The following ADAMTSL1 variants were observed in gnomAD, a reference collection of about 807,000 sequenced individuals.
ADAMTSL1 encodes the protein ADAMTS-like protein 1.
A neutral mutation model predicts 201.8 loss-of-function variants in ADAMTSL1; 126 were observed. That is an observed-to-expected ratio of 0.62 (90% CI 0.54 to 0.72). The LOEUF is 0.72. ADAMTSL1 is among the 30% of genes least tolerant of loss of function. The pLI is 0.00. For missense variants in ADAMTSL1, 2,679 were observed against 2,277.8 expected, an observed-to-expected ratio of 1.18 and a Z score of -3.59; for synonymous variants, 1,121 against 903.4, an observed-to-expected ratio of 1.24 and a Z score of -4.32.
intron 2 of ADAMTSL1, among the ~76,000 whole-genome samples, chr9:18,202,658 T>C (rs1829498848): frequency 6.6e-6 from 1 of 152,212 alleles, no homozygotes; most frequent in Non-Finnish European, 1.5e-5. Flanking sequence ...CGTTGCACCC[T>C]GAACACACCT....
rs1411772228 is a variant in ADAMTSL1, at chr9:18,892,272, T to TAAATACTGTAAA, written c.4644-114_4644-113insTACTGTAAAAAA. ...CAATCATCTTTCCAAGTAAATACTG[T>TAAATACTGTAAA]AAAAAGGGCCTTGGCCCCAAATTAG... On this transcript the variant is annotated intron_variant, in intron 25 of 28. Transcript: ENST00000380548. 5.9e-5 allele frequency: 58 copies of TAAATACTGTAAA among 981,112 alleles called. No individual in the cohort carries two copies. In the African/African-American group the frequency reaches 8.1e-4, roughly 14 times the overall value. The allele number at this position is 981,112 out of a possible 1,614,324, so 60.8% of individuals were successfully genotyped here.
rs376577727 is a variant in ADAMTSL1, at chr9:18,745,907, G to A, written c.2007-7391G>A. Among the ~76,000 whole-genome samples, 341 of 152,168 alleles carry A rather than the reference G, an allele frequency of 2.2e-3. 2 individuals carry two copies. Among genetic ancestry groups the A allele is most frequent in the Middle Eastern group, 0.01 (3 of 294 alleles). On this transcript the variant is annotated intron_variant, in intron 15 of 28. Transcript: ENST00000380548. ...TGACTCCCAGCCATCCTGGCCCAGCGCTGACCCCTGTCCCAGGCCAGAGGA... is the reference window on the plus strand; with the variant it reads ...TGACTCCCAGCCATCCTGGCCCAGCACTGACCCCTGTCCCAGGCCAGAGGA...
intron 2 of ADAMTSL1, among the ~76,000 whole-genome samples, chr9:18,242,911 C>T (rs942649665): frequency 6.6e-6 from 1 of 152,012 alleles, no homozygotes; most frequent in African/African-American, 2.4e-5. Context: ...GTTAAAACAC[C>T]CATACTACCC....
chr9:18,786,842 A>T (rs1821738563), intron 19 of ADAMTSL1, among the ~76,000 whole-genome samples: 1 of 152,206 alleles, frequency 6.6e-6, no homozygotes, highest in African/African-American at 2.4e-5. Flanking sequence ...AGGAAAGTGA[A>T]ATCTGTAGCC....
chr9:18,606,769 C>G (rs186957905), intron 4 of ADAMTSL1, among the ~76,000 whole-genome samples: 5 of 152,162 alleles, frequency 3.3e-5, no homozygotes. Context: ...TCCTTCCCCC[C>G]CAGTTTTCTT....
At position 18,889,728 on chromosome 9, in the gene ADAMTSL1, C is replaced by T; in HGVS notation, c.4623C>T (p.Asn1541=). 6.6e-7 allele frequency: 1 copy of T among 1,516,494 alleles called. No individual in the cohort carries two copies. The highest frequency in any genetic ancestry group is 8.8e-7 in the Non-Finnish European group (1 of 1,130,968). The allele number at this position is 1,516,494 out of a possible 1,614,324, so 93.9% of individuals were successfully genotyped here. A position where few individuals can be genotyped will look rare whatever the true frequency, so the allele number is the denominator to read the frequency against. ...CTGCGGTGCAGCCCATCGCGTGCAA[C>T]CGGAGAGACTGCCCTTCTCGGTGAG... ...VRPAVQPIAC[N]RRDCPSRWMV... is the part of the protein sequence containing the mutation. Residue 1541 remains asparagine (N), a synonymous_variant, in exon 25 of 29, where the codon AAC becomes AAT. Coordinates refer to ENST00000380548, the MANE Select transcript of ADAMTSL1 (RefSeq NM_001040272.6).
chr9:18,238,596 T>A (rs1830939195), intron 2 of ADAMTSL1, among the ~76,000 whole-genome samples: 1 of 152,202 alleles, frequency 6.6e-6, no homozygotes. Context: ...GTTTGACATG[T>A]AATAGGCACC....
At chr9:18,335,202 A>G (rs1321296412) in intron 2 of ADAMTSL1, among the ~76,000 whole-genome samples, 3 of 152,106 alleles carry the variant, frequency 2.0e-5, no homozygotes, top group Non-Finnish European at 4.4e-5. Flanking sequence ...ATATTTACAT[A>G]TTTGTTTTTT....
intron 1 of ADAMTSL1, among the ~76,000 whole-genome samples, chr9:18,480,790 G>A (rs1821686467): frequency 6.6e-6 from 1 of 152,200 alleles, no homozygotes; most frequent in South Asian, 2.1e-4. Flanking sequence ...TACCTGAAGT[G>A]TGATAAGTAG....
intron 1 of ADAMTSL1, among the ~76,000 whole-genome samples, chr9:18,035,034 G>T (rs1481269615): frequency 2.0e-5 from 3 of 151,950 alleles, no homozygotes; most frequent in African/African-American, 7.2e-5. Flanking sequence ...ACTGTCTCTT[G>T]GTTCACCTCA....
chr9:18,178,232 G>A (rs540239907), intron 2 of ADAMTSL1, among the ~76,000 whole-genome samples: 2,363 of 152,320 alleles, frequency 0.016, 34 homozygotes, highest in Middle Eastern at 0.027. Context: ...AGGGGTCAGG[G>A]AGTTCCCTTT....
chr9:18,798,705 C>CAG (rs1265993444), intron 20 of ADAMTSL1, among the ~76,000 whole-genome samples: 2 of 152,192 alleles, frequency 1.3e-5, no homozygotes, highest in Non-Finnish European at 2.9e-5. Flanking sequence ...ACGTGGGCAA[C>CAG]AGAGAGAGAC....
At chr9:18,634,012 A>G (rs755073196) in intron 5 of ADAMTSL1, among the ~76,000 whole-genome samples, 2 of 152,158 alleles carry the variant, frequency 1.3e-5, no homozygotes, top group East Asian at 1.9e-4. Context: ...ATACATCCCT[A>G]TATCTAGATT....
chr9:18,141,535 C>T (rs1205402654), intron 1 of ADAMTSL1, among the ~76,000 whole-genome samples: 2 of 152,176 alleles, frequency 1.3e-5, no homozygotes, highest in East Asian at 3.9e-4. Flanking sequence ...TTCAAGTAAC[C>T]AGCTAGAGGC....
chr9:18,801,256 C>T (rs1822781249), intron 20 of ADAMTSL1, among the ~76,000 whole-genome samples: 1 of 152,112 alleles, frequency 6.6e-6, no homozygotes, highest in South Asian at 2.1e-4. Flanking sequence ...CAGGTTAAAA[C>T]TATTTTTTCA....
chr9:17,916,903 C>G (rs888898999), intron 1 of ADAMTSL1, among the ~76,000 whole-genome samples: 1 of 152,058 alleles, frequency 6.6e-6, no homozygotes, highest in Middle Eastern at 3.2e-3. Flanking sequence ...AGTTTCATGA[C>G]TCATGAACAT....
intron 1 of ADAMTSL1, among the ~76,000 whole-genome samples, chr9:18,045,108 T>C (rs1300638826): frequency 6.6e-6 from 1 of 152,170 alleles, no homozygotes; most frequent in Non-Finnish European, 1.5e-5. Context: ...TCTCTGGGGC[T>C]CTAGTTCCTC....
At chr9:18,431,480 C>T (rs775935276) in intron 2 of ADAMTSL1, among the ~76,000 whole-genome samples, 2 of 152,146 alleles carry the variant, frequency 1.3e-5, no homozygotes, top group African/African-American at 2.4e-5. Context: ...ATTTGGAAGA[C>T]ACTGCACTGG....
chr9:18,234,745 T>G (rs1055180461), intron 2 of ADAMTSL1, among the ~76,000 whole-genome samples: 11 of 152,236 alleles, frequency 7.2e-5, no homozygotes, highest in African/African-American at 1.4e-4. Context: ...TTTGGTACAG[T>G]AAATTATAAA....
Sources: allele counts gnomAD v4.1 joint callset (sites outside exome capture counted in the v4.1 genomes callset), GRCh38; gene constraint gnomAD v4.1.1; transcripts MANE v1.5; gene names NCBI Gene and HGNC (gene_info 2026-07-23, HGNC 2026-07-21).